TM4SF18: variants seen among roughly 807,000 people sequenced by gnomAD.
The protein encoded by TM4SF18 is transmembrane 4 L six family member 18, also known as transmembrane 4 L6 family member 18.
A neutral mutation model predicts 23.8 loss-of-function variants in TM4SF18; 22 were observed. The ratio of observed to expected loss-of-function variants is 0.92; its 90% CI spans 0.66 to 1.32. The LOEUF (loss-of-function observed/expected upper bound fraction) is 1.32, where lower values mean the gene tolerates loss of function less well. TM4SF18 is among the 40% of genes most tolerant of loss of function. The pLI is 0.00. For missense variants in TM4SF18, 255 were observed against 240.3 expected (o/e 1.06, Z -0.41); for synonymous variants, 87 against 87.9 (o/e 0.99, Z 0.06).
chr3:149,331,381 C>A (rs1731084374), intron 2 of TM4SF18, among the ~76,000 whole-genome samples: 1 of 151,954 alleles, frequency 6.6e-6, no homozygotes, highest in African/African-American at 2.4e-5. Flanking sequence ...GTTTCTTTTC[C>A]TAGTTTTAAT....
intron 2 of TM4SF18, among the ~76,000 whole-genome samples, chr3:149,332,838 G>A (rs1464887267): frequency 6.6e-6 from 1 of 151,986 alleles, no homozygotes; most frequent in East Asian, 1.9e-4. Context: ...GCCCCTTCAA[G>A]CTAGAAAAAC....
chr3:149,333,480 C>CTA, intron 1 of TM4SF18, 33 bp downstream of exon 1: 47 of 391,498 alleles, frequency 1.2e-4, no homozygotes, highest in Non-Finnish European at 1.5e-4. Context: ...CTCTCTCTCT[C>CTA]TCTTTTTTTT....
chr3:149,329,156 T>TCACACACA lies in TM4SF18; in HGVS notation c.267+1166_267+1173dup, dbSNP rs33985529. Among the ~76,000 whole-genome samples, 534 of 142,220 alleles carry TCACACACA rather than the reference T, an allele frequency of 3.8e-3. 1 individual carries two copies. Among genetic ancestry groups the TCACACACA allele is most frequent in the African/African-American group, 0.012 (458 of 38,826 alleles). The allele number at this position is 142,220 out of a possible 152,430, so 93.3% of individuals were successfully genotyped here. On this transcript the variant is annotated intron_variant, in intron 3 of 5. Transcript: ENST00000296059. ...ACTGGAGGATGACTGAGTCAACTGG[T>TCACACACA]CACACACACACACACACACACACAC...
intron 2 of TM4SF18, 47 bp from the exon 3 acceptor site, chr3:149,330,466 C>A: frequency 7.6e-7 from 1 of 1,317,210 alleles, no homozygotes; most frequent in South Asian, 1.3e-5. Flanking sequence ...TGCTAGTTTA[C>A]ATTTGTGCTT....
intron 4 of TM4SF18, among the ~76,000 whole-genome samples, chr3:149,322,888 C>T (rs1730842990): frequency 7.1e-6 from 1 of 141,004 alleles, no homozygotes; most frequent in South Asian, 2.3e-4. Flanking sequence ...AAGAACTTTA[C>T]CCCTCTGGCC....
chr3:149,333,244 C>A lies in TM4SF18; in HGVS notation c.139G>T (p.Val47Leu). Residue 47 changes from valine to leucine, a missense_variant, in exon 2 of 6, where the codon GTG becomes TTG. By Grantham distance (32) the Val-to-Leu change is conservative (BLOSUM62 1). Coordinates refer to ENST00000296059, the MANE Select transcript of TM4SF18 (RefSeq NM_138786.4). Reference protein sequence around the residue: ...YASSNKLTNYVWYFEGICFSG... With the variant: ...YASSNKLTNYLWYFEGICFSG... ...AAACAGATTCCTTCAAAATACCACACGTAGTTGGTGAGTTTATTGCTGGAT... is the reference window on the plus strand; with the variant it reads ...AAACAGATTCCTTCAAAATACCACAAGTAGTTGGTGAGTTTATTGCTGGAT... 2 of 1,613,066 alleles carry A rather than the reference C, an allele frequency of 1.2e-6. No homozygotes were observed. The highest frequency in any genetic ancestry group is 1.7e-6 in the Non-Finnish European group (2 of 1,179,540).
intron 5 of TM4SF18, 41 bp downstream of exon 5, chr3:149,322,215 G>C: frequency 6.5e-7 from 1 of 1,537,662 alleles, no homozygotes; most frequent in Non-Finnish European, 8.8e-7. Flanking sequence ...GGAAGTGGGG[G>C]AAATATGGAT....
At chr3:149,333,472 C>CTA in intron 1 of TM4SF18, 41 bp downstream of exon 1, 6 of 508,454 alleles carry the variant, frequency 1.2e-5, no homozygotes, top group Non-Finnish European at 1.6e-5. Context: ...TTTTTTTTCT[C>CTA]TCTCTCTCTC....
At chr3:149,331,430 C>A (rs1731085668) in intron 2 of TM4SF18, among the ~76,000 whole-genome samples, 1 of 152,122 alleles carries the variant, frequency 6.6e-6, no homozygotes, top group Non-Finnish European at 1.5e-5. Flanking sequence ...CTATATTCCC[C>A]TCCTTTCCAC....
In TM4SF18 at chr3:149,325,010, T is replaced by C. The variant is rs1730906649; in HGVS notation, c.280A>G (p.Ile94Val). ...CSKKYVTLLSIIFSSLGIAFS... is the reference protein window; with the variant it reads ...CSKKYVTLLSVIFSSLGIAFS... ...GCAATTCCGAGGGAAGAAAAGATAATTGACAGCAGTGTCTAAATTAAAACA... is the reference window on the plus strand; with the variant it reads ...GCAATTCCGAGGGAAGAAAAGATAACTGACAGCAGTGTCTAAATTAAAACA... Residue 94 changes from isoleucine (I) to valine (V), a missense_variant, in exon 4 of 6, where the codon ATT becomes GTT. Transcript: ENST00000296059. The C allele has an allele frequency of 6.2e-7, 1 of 1,613,680 alleles. No individual in the cohort carries two copies. The highest frequency in any genetic ancestry group is 2.2e-5 in the East Asian group (1 of 44,868).
rs1055298410 is a variant in TM4SF18, at chr3:149,320,427, G to A, written c.*1051C>T. 2.6e-5 allele frequency: 4 copies of A among 152,114 alleles called. No homozygotes were observed. Among genetic ancestry groups the A allele is most frequent in the Non-Finnish European group, 4.4e-5 (3 of 68,024 alleles). The allele number at this position is 152,114 out of a possible 1,614,324, so 9.4% of individuals were successfully genotyped here. On this transcript the variant is annotated 3_prime_UTR_variant, in exon 6 of 6. Transcript: ENST00000296059. ...TTAATTACTTTAAAAATAAATATAG[G>A]TACTGGTAACTCCCCCTGACACAGG...
chr3:149,329,606 T>C (rs1731045931), intron 3 of TM4SF18, among the ~76,000 whole-genome samples: 1 of 152,130 alleles, frequency 6.6e-6, no homozygotes, highest in South Asian at 2.1e-4. Flanking sequence ...GAAAGAACTA[T>C]AAAGTGCTAT....
rs562066474 is a variant in TM4SF18 at position 149,322,567 on chromosome 3, CCATT to C, written c.411-135_411-132del. 79 of 735,298 alleles carry C rather than the reference CCATT, an allele frequency of 1.1e-4. 2 individuals carry two copies. The South Asian group carries it at 1.4e-3, about 13-fold the overall frequency. 45.5% of individuals were successfully genotyped at this position (735,298 alleles called of 1,614,324 possible). ...GATATGAATTAATACATTTTAAAAACCATTCAGATACACATATTGGACATATCTT... is the reference window on the plus strand; with the variant it reads ...GATATGAATTAATACATTTTAAAAACCAGATACACATATTGGACATATCTT... On this transcript the variant is annotated intron_variant, in intron 4 of 5. Transcript: ENST00000296059.
rs1448123505 is a variant in TM4SF18 at position 149,319,173 on chromosome 3, G to C, written c.*2305C>G. The C allele has an allele frequency of 1.3e-5, 2 of 152,206 alleles. No homozygotes were observed. The highest frequency in any genetic ancestry group is 4.8e-5 in the African/African-American group (2 of 41,438). The allele number at this position is 152,206 out of a possible 1,614,324, so 9.4% of individuals were successfully genotyped here. On this transcript the variant is annotated 3_prime_UTR_variant, in exon 6 of 6. Transcript: ENST00000296059. ...GGTGCCATGCTGAATCTAAACAAGA[G>C]ATAGACAGTCTGAAAGTATATAACA...
At chr3:149,329,228 A>G (rs942682167) in intron 3 of TM4SF18, among the ~76,000 whole-genome samples, 1 of 151,878 alleles carries the variant, frequency 6.6e-6, no homozygotes, top group Non-Finnish European at 1.5e-5. Flanking sequence ...ATTCTTCTCC[A>G]TAAGGGACAC....
Position 149,333,333 on chromosome 3 carries a change from A to G in TM4SF18, c.50T>C (p.Leu17Pro). Residue 17 changes from leucine (L) to proline (P), a missense_variant, in exon 2 of 6, where the codon CTT (leucine) becomes CCT (proline). Physicochemically the swap from Leu to Pro is moderately conservative, Grantham distance 98. Coordinates refer to ENST00000296059, the MANE Select transcript of TM4SF18 (RefSeq NM_138786.4). ...GTTCACGATTATACTCCAAAGTGCA[A>G]GCGGAATCAGCAAACAACTTAGGCA... ...GGCLSCLLIP[L>P]ALWSIIVNIL... The G allele has an allele frequency of 1.2e-6, 2 of 1,613,678 alleles. No homozygotes were observed. The highest frequency in any genetic ancestry group is 1.7e-6 in the Non-Finnish European group (2 of 1,179,834).
At chr3:149,323,598 G>A (rs1286021949) in intron 4 of TM4SF18, among the ~76,000 whole-genome samples, 1 of 152,196 alleles carries the variant, frequency 6.6e-6, no homozygotes, top group African/African-American at 2.4e-5. Flanking sequence ...AATTTCTTAT[G>A]CCTGTTTTTA....
chr3:149,327,305 C>G (rs867247349), intron 3 of TM4SF18, among the ~76,000 whole-genome samples: 1 of 152,046 alleles, frequency 6.6e-6, no homozygotes, highest in Non-Finnish European at 1.5e-5. Flanking sequence ...AAGTGATATG[C>G]CCAAAATGTG....
rs1034303791 is a variant in TM4SF18 at position 149,320,610 on chromosome 3, T to C, written c.*868A>G. 1.3e-5 allele frequency: 2 copies of C among 152,168 alleles called. No homozygotes were observed. Among genetic ancestry groups the C allele is most frequent in the African/African-American group, 4.8e-5 (2 of 41,438 alleles). The allele number at this position is 152,168 out of a possible 1,614,324, so 9.4% of individuals were successfully genotyped here. On this transcript the variant is annotated 3_prime_UTR_variant, in exon 6 of 6. Transcript: ENST00000296059. Reference sequence around the variant, plus strand: ...TTGTATAAGTTTATATAAAACTCTTTTTGGCTCATCTATATCACTACTTTC... The same window carrying C: ...TTGTATAAGTTTATATAAAACTCTTCTTGGCTCATCTATATCACTACTTTC...
Sources: gnomAD v4.1 joint callset for allele counts (sites outside exome capture counted in the v4.1 genomes callset) on GRCh38, gnomAD v4.1.1 for gene constraint, MANE v1.5 for transcripts, NCBI Gene and HGNC (gene_info 2026-07-23, HGNC 2026-07-21) for gene names.